ANKMY2: variants seen among roughly 807,000 people sequenced by gnomAD.
ANKMY2 encodes the protein ankyrin repeat and MYND domain containing 2.
A neutral mutation model predicts 50.4 loss-of-function variants in ANKMY2; 36 were observed. That is an observed-to-expected ratio of 0.71 (90% CI 0.55 to 0.94). ANKMY2 has a LOEUF of 0.94. Ranked by LOEUF, ANKMY2 falls within the 40% of genes least tolerant of loss-of-function variation. ANKMY2 has a pLI of 0.00. For missense variants in ANKMY2, 565 were observed against 524.0 expected (o/e 1.08, Z -0.76); for synonymous variants, 187 against 178.8 (o/e 1.05, Z -0.36).
chr7:16,645,409 C>G (rs1781821332), intron 1 of ANKMY2, 98 bp downstream of exon 1: 6 of 1,226,028 alleles, frequency 4.9e-6, no homozygotes, highest in Non-Finnish European at 6.7e-6. Context: ...CCTTGCAGAA[C>G]CGCAGCCAAA....
At chr7:16,624,729 T>TA (rs1262374732) in intron 4 of ANKMY2, among the ~76,000 whole-genome samples, 1 of 152,226 alleles carries the variant, frequency 6.6e-6, no homozygotes, top group Non-Finnish European at 1.5e-5. Context: ...AGACATAAAA[T>TA]ATACATGTTA....
At chr7:16,623,362 G>C (rs998126826) in intron 4 of ANKMY2, among the ~76,000 whole-genome samples, 3 of 152,114 alleles carry the variant, frequency 2.0e-5, no homozygotes, top group African/African-American at 7.2e-5. Flanking sequence ...TTTTACTGTA[G>C]TAAAAATTTT....
In ANKMY2 at chr7:16,615,826, A is replaced by G; in HGVS notation, c.449T>C (p.Leu150Pro). Residue 150 changes from leucine (L) to proline (P), a missense_variant, in exon 5 of 10, where the codon CTG becomes CCG. Physicochemically the swap from Leu to Pro is moderately conservative, Grantham distance 98. Transcript: ENST00000306999. ...RLDYYTKPQG[L>P]DKEPKLPPKL... ...TGGGGGCAGTTTTGGCTCTTTATCC[A>G]GTCCCTGGGGCTTAGTGTAATAATC... 6.2e-7 allele frequency: 1 copy of G among 1,614,212 alleles called. No homozygotes were observed. Among genetic ancestry groups the G allele is most frequent in the Non-Finnish European group, 8.5e-7 (1 of 1,180,040 alleles).
Position 16,638,185 on chromosome 7 carries a change from C to G in ANKMY2, c.68-1730G>C, listed in dbSNP as rs142594598. On this transcript the variant is annotated intron_variant, in intron 1 of 9. Coordinates refer to ENST00000306999, the MANE Select transcript of ANKMY2 (RefSeq NM_020319.3). ...CTCCATTGGACACCAATGGGGTATC[C>G]TATAATTTAACTCATTTCTAACATT... Among the ~76,000 whole-genome samples, 197 of 152,260 alleles carry G rather than the reference C, an allele frequency of 1.3e-3. 1 individual carries two copies. The highest frequency in any genetic ancestry group is 6.8e-3 in the Middle Eastern group (2 of 294).
chr7:16,639,403 C>T (rs1027513875), intron 1 of ANKMY2, among the ~76,000 whole-genome samples: 1 of 152,178 alleles, frequency 6.6e-6, no homozygotes, highest in Admixed American at 6.5e-5. Flanking sequence ...TAAGAAACAA[C>T]AGACCTAAAC....
In ANKMY2 at chr7:16,604,783, C is replaced by T; in HGVS notation, c.949G>A (p.Val317Met). Residue 317 changes from valine to methionine, a missense_variant, in exon 8 of 10, where the codon GTG becomes ATG. By Grantham distance (21) the Val-to-Met change is conservative. Coordinates refer to ENST00000306999, the MANE Select transcript of ANKMY2 (RefSeq NM_020319.3). ...AITGQVGFVDVEFCTTCGEKG... is the reference protein window; with the variant it reads ...AITGQVGFVDMEFCTTCGEKG... Reference sequence around the variant, plus strand: ...TCTCCACAGGTAGTGCAAAATTCCACATCCACAAAACCCACCTGGCCAGTG... The same window carrying T: ...TCTCCACAGGTAGTGCAAAATTCCATATCCACAAAACCCACCTGGCCAGTG... 1.2e-6 allele frequency: 2 copies of T among 1,614,110 alleles called. No homozygotes were observed. Among genetic ancestry groups the T allele is most frequent in the Non-Finnish European group, 1.7e-6 (2 of 1,179,982 alleles).
intron 1 of ANKMY2, among the ~76,000 whole-genome samples, chr7:16,641,611 G>C (rs1358338177): frequency 2.0e-5 from 3 of 152,088 alleles, no homozygotes. Flanking sequence ...CTTAGAACAG[G>C]ATCTTATTTC....
intron 6 of ANKMY2, among the ~76,000 whole-genome samples, chr7:16,610,165 C>A (rs753634311): frequency 3.3e-5 from 5 of 152,128 alleles, no homozygotes; most frequent in Admixed American, 1.3e-4. Flanking sequence ...TAACACACAG[C>A]TCTCCAAGAT....
chr7:16,617,134 T>G lies in ANKMY2; in HGVS notation c.371-1230A>C, dbSNP rs1159762810. Among the ~76,000 whole-genome samples the G allele has an allele frequency of 3.3e-5, 5 of 152,332 alleles. No homozygotes were observed. In the East Asian group the frequency reaches 7.7e-4, roughly 23 times the overall value. On this transcript the variant is annotated intron_variant, in intron 4 of 9. Transcript: ENST00000306999. The stretch of plus-strand genomic sequence containing the variant: ...ATTGAAGCTCGATGTAGATTTTGTT[T>G]TAAGGAAGCATATGCAGTTTGTCTT...
chr7:16,636,130 C>T (rs564234375), intron 2 of ANKMY2, among the ~76,000 whole-genome samples: 13 of 151,678 alleles, frequency 8.6e-5, no homozygotes, highest in African/African-American at 3.1e-4. Context: ...TAGTGAAACC[C>T]TGTCTCTACT....
chr7:16,610,495 TA>T (rs1189343117), intron 6 of ANKMY2, 53 bp downstream of exon 6: 138 of 1,426,732 alleles, frequency 9.7e-5, no homozygotes, highest in Middle Eastern at 2.4e-4. Flanking sequence ...GGCTTCATAT[TA>T]AAAAAAATAT....
chr7:16,633,508 T>C (rs892037470), intron 2 of ANKMY2, among the ~76,000 whole-genome samples: 1 of 152,096 alleles, frequency 6.6e-6, no homozygotes, highest in Non-Finnish European at 1.5e-5. Flanking sequence ...CAGTCAGCAA[T>C]TTTTATTCCT....
intron 2 of ANKMY2, among the ~76,000 whole-genome samples, chr7:16,630,962 G>A (rs1781574045): frequency 6.6e-6 from 1 of 152,154 alleles, no homozygotes; most frequent in South Asian, 2.1e-4. Context: ...AAGTCTGTCT[G>A]CAGCCCACTC....
chr7:16,642,163 T>C (rs928091348), intron 1 of ANKMY2, among the ~76,000 whole-genome samples: 5 of 152,098 alleles, frequency 3.3e-5, no homozygotes, highest in Non-Finnish European at 5.9e-5. Context: ...TTAGCAACAG[T>C]AAGCCCAGGA....
chr7:16,624,096 G>T (rs1265579747), intron 4 of ANKMY2, among the ~76,000 whole-genome samples: 1 of 152,078 alleles, frequency 6.6e-6, no homozygotes, highest in Non-Finnish European at 1.5e-5. Flanking sequence ...ATTTGTCATT[G>T]CTATTACCCT....
Position 16,636,375 on chromosome 7 carries a change from A to C in ANKMY2, c.132+16T>G, listed in dbSNP as rs1158938245. On this transcript the variant is annotated intron_variant, in intron 2 of 9. Transcript: ENST00000306999. ...TATAGGAAGTAAAATCCTTTATTAA[A>C]CTTCTAAAATCTTACCTCGTCCAAA... The C allele has an allele frequency of 1.3e-6, 2 of 1,571,870 alleles. No individual in the cohort carries two copies. The highest frequency in any genetic ancestry group is 2.4e-5 in the South Asian group (2 of 83,996).
intron 4 of ANKMY2, among the ~76,000 whole-genome samples, chr7:16,622,087 G>C (rs1322113053): frequency 6.6e-6 from 1 of 150,478 alleles, no homozygotes; most frequent in Non-Finnish European, 1.5e-5. Flanking sequence ...AGGAAGAAGA[G>C]GAATAAAAAG....
rs1369459388 is a variant in ANKMY2, at chr7:16,599,938, AG to A, written c.*822del. On this transcript the variant is annotated 3_prime_UTR_variant, in exon 10 of 10. Coordinates refer to ENST00000306999, the MANE Select transcript of ANKMY2 (RefSeq NM_020319.3). ...ATGAGTTACAAATCAGTTTCTGGAA[AG>A]GAAGTGCTCCATGAAAAGCTTATAG... 6.6e-6 allele frequency: 1 copy of A among 152,252 alleles called. No homozygotes were observed. Among genetic ancestry groups the A allele is most frequent in the African/African-American group, 2.4e-5 (1 of 41,474 alleles). The allele number at this position is 152,252 out of a possible 1,614,324, so 9.4% of individuals were successfully genotyped here.
chr7:16,622,472 G>A lies in ANKMY2; in HGVS notation c.370+2511C>T, dbSNP rs545989055. Among the ~76,000 whole-genome samples, 49 of 152,058 alleles carry A rather than the reference G, an allele frequency of 3.2e-4. No homozygotes were observed. In the South Asian group the frequency reaches 4.8e-3, roughly 15 times the overall value. ...TTAAAATTAAAACTCTAGGCTGGTC[G>A]TGGTGGCTGTAATCCCAGCACTTTG... On this transcript the variant is annotated intron_variant, in intron 4 of 9. Coordinates refer to ENST00000306999, the MANE Select transcript of ANKMY2 (RefSeq NM_020319.3).
Sources: allele counts gnomAD v4.1 joint callset (sites outside exome capture counted in the v4.1 genomes callset), GRCh38; gene constraint gnomAD v4.1.1; transcripts MANE v1.5; gene names NCBI Gene and HGNC (gene_info 2026-07-23, HGNC 2026-07-21).